The following DFFA variants were observed in gnomAD, a reference collection of about 807,000 sequenced individuals.
DFFA encodes DNA fragmentation factor subunit alpha.
A neutral mutation model predicts 28.0 loss-of-function variants in DFFA; 14 were observed. The observed-to-expected ratio is 0.50, with a 90% CI of 0.33 to 0.78. The LOEUF is 0.78. Among genes scored for constraint, DFFA ranks in the 30% least tolerant of loss-of-function variants. DFFA has a pLI of 0.02. For missense variants in DFFA, 395 were observed against 407.1 expected, an observed-to-expected ratio of 0.97 and a Z score of 0.26; for synonymous variants, 158 against 170.3, an observed-to-expected ratio of 0.93 and a Z score of 0.56.
chr1:10,464,388 G>A (rs552743861), intron 3 of DFFA, among the ~76,000 whole-genome samples: 10 of 152,240 alleles, frequency 6.6e-5, no homozygotes, highest in East Asian at 3.9e-4. Flanking sequence ...CACCGTGCCC[G>A]GCCAATTTTT....
At chr1:10,469,092 A>G in intron 2 of DFFA, 85 bp downstream of exon 2, 3 of 1,385,778 alleles carry the variant, frequency 2.2e-6, no homozygotes, top group South Asian at 1.3e-5. Flanking sequence ...AAAGCCAGAC[A>G]AATGGCAATT....
In DFFA at chr1:10,456,655, C is replaced by G. The variant is rs1353723631; in HGVS notation, c.*4835G>C. The stretch of plus-strand genomic sequence containing the variant: ...TTGTCTCTCTGGAAAATGAAAAATC[C>G]ATTAGTTTTTCTCTTTTGCTTTTAC... On this transcript the variant is annotated 3_prime_UTR_variant, in exon 6 of 6. Transcript: ENST00000377038. 2 of 151,910 alleles carry G rather than the reference C, an allele frequency of 1.3e-5. No homozygotes were observed. The highest frequency in any genetic ancestry group is 2.9e-5 in the Non-Finnish European group (2 of 67,984). 9.4% of individuals were successfully genotyped at this position (151,910 alleles called of 1,614,324 possible). A position where few individuals can be genotyped will look rare whatever the true frequency, so the allele number is the denominator to read the frequency against.
chr1:10,463,340 GGC>G, intron 4 of DFFA, 89 bp downstream of exon 4: 1 of 1,539,638 alleles, frequency 6.5e-7, no homozygotes, highest in Non-Finnish European at 8.8e-7. Context: ...CGGCTTCAGT[GGC>G]CCTGGCTACA....
At chr1:10,465,602 A>C (rs1375621708) in intron 3 of DFFA, among the ~76,000 whole-genome samples, 1 of 151,982 alleles carries the variant, frequency 6.6e-6, no homozygotes, top group Non-Finnish European at 1.5e-5. Context: ...CATGTTTGCC[A>C]GGATGGTCTT....
At chr1:10,464,193 C>T (rs901854843) in intron 3 of DFFA, among the ~76,000 whole-genome samples, 3 of 151,392 alleles carry the variant, frequency 2.0e-5, no homozygotes, top group Admixed American at 6.6e-5. Context: ...CCTGGGTTCA[C>T]GCCATTCTCC....
rs1169234095 is a variant in DFFA, at chr1:10,458,552, T to TTC, written c.*2937_*2938insGA. 6.6e-6 allele frequency: 1 copy of TTC among 150,904 alleles called. No homozygotes were observed. Among genetic ancestry groups the TTC allele is most frequent in the Non-Finnish European group, 1.5e-5 (1 of 67,696 alleles). The allele number at this position is 150,904 out of a possible 1,614,324, so 9.3% of individuals were successfully genotyped here. On this transcript the variant is annotated 3_prime_UTR_variant, in exon 6 of 6. Transcript: ENST00000377038. ...TATTGTGATTTTCTTTTTTTTTTTT[T>TTC]TTTAAAGACAGAGTCTCATTCTGTC...
In DFFA at chr1:10,463,573, C is replaced by CT; in HGVS notation, c.488dup (p.Ser164GlufsTer17). On this transcript the variant is annotated frameshift_variant, in exon 4 of 6. Transcript: ENST00000377038. LOFTEE classifies it high-confidence loss of function. The stretch of plus-strand genomic sequence containing the variant: ...GCAGCCGCTGGACGGTGGCACAACT[C>CT]TGACGTAGTTCCTGAGCCAGGTCTG... The CT allele has an allele frequency of 3.1e-6, 5 of 1,614,214 alleles. No individual in the cohort carries two copies. Among genetic ancestry groups the CT allele is most frequent in the Non-Finnish European group, 4.2e-6 (5 of 1,180,040 alleles).
chr1:10,467,813 C>G (rs1641043864), intron 2 of DFFA, among the ~76,000 whole-genome samples: 1 of 152,144 alleles, frequency 6.6e-6, no homozygotes, highest in Non-Finnish European at 1.5e-5. Context: ...GCCTGACCCT[C>G]TTTCATCTTT....
chr1:10,471,062 C>CAAAAAAA (rs59465527), intron 1 of DFFA, among the ~76,000 whole-genome samples: 1 of 96,484 alleles, frequency 1.0e-5, no homozygotes, highest in Non-Finnish European at 2.0e-5. Context: ...CACTCCGTCT[C>CAAAAAAA]AAAAAAAAAA....
intron 1 of DFFA, among the ~76,000 whole-genome samples, chr1:10,471,421 GAAGTA>G (rs1486558118): frequency 3.3e-5 from 5 of 152,166 alleles, no homozygotes; most frequent in South Asian, 2.1e-4. Flanking sequence ...AGGGGAATTA[GAAGTA>G]AAGTAATCTA....
In DFFA at chr1:10,459,513, G is replaced by A. The variant is rs1640899136; in HGVS notation, c.*1977C>T. ...GATATTAGCAATGGACTCTCCGTATGTCCCTATGGTCTACAAGCTTAATAT... is the reference window on the plus strand; with the variant it reads ...GATATTAGCAATGGACTCTCCGTATATCCCTATGGTCTACAAGCTTAATAT... On this transcript the variant is annotated 3_prime_UTR_variant, in exon 6 of 6. Coordinates refer to ENST00000377038, the MANE Select transcript of DFFA (RefSeq NM_004401.3). 1 of 152,134 alleles carries A rather than the reference G, an allele frequency of 6.6e-6. No homozygotes were observed. The highest frequency in any genetic ancestry group is 1.5e-5 in the Non-Finnish European group (1 of 68,022). 9.4% of individuals were successfully genotyped at this position (152,134 alleles called of 1,614,324 possible). A position where few individuals can be genotyped will look rare whatever the true frequency, so the allele number is the denominator to read the frequency against.
chr1:10,465,050 AAG>A (rs1449257941), intron 3 of DFFA, among the ~76,000 whole-genome samples: 1 of 152,154 alleles, frequency 6.6e-6, no homozygotes, highest in Non-Finnish European at 1.5e-5. Flanking sequence ...CCAGGAGTTC[AAG>A]ACCAGCCTAG....
At chr1:10,461,814 C>G in intron 5 of DFFA, 112 bp from the exon 6 acceptor site, 1 of 1,499,354 alleles carries the variant, frequency 6.7e-7, no homozygotes, top group East Asian at 2.3e-5. Flanking sequence ...TATGTTACCT[C>G]TTTACACTGA....
At chr1:10,467,699 C>A (rs1225895272) in intron 2 of DFFA, among the ~76,000 whole-genome samples, 3 of 152,038 alleles carry the variant, frequency 2.0e-5, no homozygotes, top group Non-Finnish European at 4.4e-5. Flanking sequence ...TTAGTAGAGA[C>A]GGGCTTTCAC....
At position 10,463,183 on chromosome 1, in the gene DFFA, C is replaced by T. The variant is rs993603187; in HGVS notation, c.658G>A (p.Val220Met). The T allele has an allele frequency of 2.5e-6, 4 of 1,614,208 alleles. No individual in the cohort carries two copies. Among genetic ancestry groups the T allele is most frequent in the Non-Finnish European group, 3.4e-6 (4 of 1,180,022 alleles). ...CTGATACCCGTGTCTACTGCATCCACCTCCTCACCAAAGGCAGCTTTGGAC... is the reference window on the plus strand; with the variant it reads ...CTGATACCCGTGTCTACTGCATCCATCTCCTCACCAAAGGCAGCTTTGGAC... Reference protein sequence around the residue: ...EESKAAFGEEVDAVDTGISRE... With the variant: ...EESKAAFGEEMDAVDTGISRE... Residue 220 changes from valine (V) to methionine (M), a missense_variant, in exon 5 of 6, where the codon GTG (valine) becomes ATG (methionine). Transcript: ENST00000377038.
intron 3 of DFFA, 59 bp downstream of exon 3, chr1:10,467,131 G>C: frequency 6.2e-7 from 1 of 1,602,170 alleles, no homozygotes; most frequent in South Asian, 1.1e-5. Context: ...CTAAGAAGGT[G>C]CTGGGGCGGG....
intron 5 of DFFA, among the ~76,000 whole-genome samples, chr1:10,462,121 G>A (rs529659905): frequency 5.3e-5 from 8 of 152,256 alleles, no homozygotes; most frequent in Admixed American, 2.6e-4. Flanking sequence ...GCCTCCCAAA[G>A]TGCTGGGATT....
At chr1:10,469,136 G>A (rs375541032) in intron 2 of DFFA, 41 bp downstream of exon 2, 2 of 1,593,524 alleles carry the variant, frequency 1.3e-6, no homozygotes, top group Non-Finnish European at 1.7e-6. Flanking sequence ...GATGGATGCT[G>A]TACTGCATAG....
chr1:10,462,654 C>T, intron 5 of DFFA: 1 of 1,019,844 alleles, frequency 9.8e-7, no homozygotes, highest in Non-Finnish European at 1.2e-6. Flanking sequence ...TTTTAGCTCC[C>T]TGGTCTTAGC....
Sources: allele counts gnomAD v4.1 joint callset (sites outside exome capture counted in the v4.1 genomes callset), GRCh38; gene constraint gnomAD v4.1.1; transcripts MANE v1.5; gene names NCBI Gene and HGNC (gene_info 2026-07-23, HGNC 2026-07-21).